Variants in SUSD4 observed in about 807,000 individuals in gnomAD.
The protein encoded by SUSD4 is sushi domain-containing protein 4.
SUSD4 carries 41 observed loss-of-function variants against 50.5 expected under a neutral mutation model. That is an observed-to-expected ratio of 0.81 (90% CI 0.63 to 1.05). The LOEUF (loss-of-function observed/expected upper bound fraction) is 1.05, where lower values mean the gene tolerates loss of function less well. Among genes scored for constraint, SUSD4 ranks in the 50% least tolerant of loss-of-function variants. The probability of loss-of-function intolerance (pLI) is 0.00; values close to 1 mark genes in which losing one functional copy is unlikely to be tolerated. For synonymous variants in SUSD4, 257 were observed against 257.3 expected, an observed-to-expected ratio of 1.00 and a Z score of 0.01; for missense variants, 580 against 634.7, an observed-to-expected ratio of 0.91 and a Z score of 0.93.
intron 3 of SUSD4, chr1:223,289,421 G>T: frequency 2.1e-6 from 1 of 484,322 alleles, no homozygotes; most frequent in Non-Finnish European, 2.7e-6. Context: ...CATGTGAAAA[G>T]GGGGAATGGC....
At chr1:223,279,213 C>G (rs1035988228) in intron 3 of SUSD4, among the ~76,000 whole-genome samples, 2 of 152,208 alleles carry the variant, frequency 1.3e-5, no homozygotes, top group African/African-American at 4.8e-5. Flanking sequence ...TGGAACAAAG[C>G]TGGATGGAGA....
intron 3 of SUSD4, among the ~76,000 whole-genome samples, chr1:223,281,238 A>T (rs1663701771): frequency 6.6e-6 from 1 of 152,224 alleles, no homozygotes; most frequent in South Asian, 2.1e-4. Flanking sequence ...AACTAAGATC[A>T]GAGGAGAACT....
intron 7 of SUSD4, among the ~76,000 whole-genome samples, chr1:223,224,102 A>AAAACC (rs1258410400): frequency 6.6e-6 from 1 of 152,170 alleles, no homozygotes; most frequent in Non-Finnish European, 1.5e-5. Context: ...CAATCCCAGC[A>AAAACC]CTTTGGGAGG....
At chr1:223,278,240 C>T (rs1037641169) in intron 3 of SUSD4, among the ~76,000 whole-genome samples, 31 of 152,186 alleles carry the variant, frequency 2.0e-4, no homozygotes, top group African/African-American at 7.0e-4. Flanking sequence ...TGCAGCCCAC[C>T]GAGTGTGAGC....
chr1:223,224,862 CTTTTTTTTT>C (rs11345619), intron 7 of SUSD4, among the ~76,000 whole-genome samples: 2 of 59,234 alleles, frequency 3.4e-5, no homozygotes, highest in Non-Finnish European at 6.0e-5. Context: ...TGGTTTCTTC[CTTTTTTTTT>C]TTTTTTTTTT....
At chr1:223,304,938 G>C (rs1424234209) in intron 2 of SUSD4, among the ~76,000 whole-genome samples, 2 of 147,866 alleles carry the variant, frequency 1.4e-5, no homozygotes, top group African/African-American at 5.1e-5. Flanking sequence ...TAAATTCCTA[G>C]AGCCATGTTA....
chr1:223,363,270 T>C lies in SUSD4; in HGVS notation c.148+8A>G. On this transcript the variant is annotated splice_region_variant and intron_variant, in intron 2 of 8. Transcript: ENST00000366878. ...CCCAGGCCCTCCCACCACAGCTGGG[T>C]CACTCACCGCCCGTGAGCTGTGCAG... 1 of 1,577,650 alleles carries C rather than the reference T, an allele frequency of 6.3e-7. No individual in the cohort carries two copies. The highest frequency in any genetic ancestry group is 8.6e-7 in the Non-Finnish European group (1 of 1,159,636).
intron 2 of SUSD4, among the ~76,000 whole-genome samples, chr1:223,326,657 A>C (rs1378001651): frequency 6.6e-6 from 1 of 152,216 alleles, no homozygotes; most frequent in Non-Finnish European, 1.5e-5. Context: ...CAAGAAAAAA[A>C]CAAACAATCC....
intron 3 of SUSD4, among the ~76,000 whole-genome samples, chr1:223,270,561 G>A (rs761186107): frequency 7.9e-5 from 12 of 152,022 alleles, no homozygotes; most frequent in Admixed American, 3.3e-4. Flanking sequence ...GTTTCAGGCC[G>A]CGAAAAGGGG....
At chr1:223,250,516 C>T (rs545792300) in intron 5 of SUSD4, among the ~76,000 whole-genome samples, 2 of 152,272 alleles carry the variant, frequency 1.3e-5, no homozygotes, top group African/African-American at 2.4e-5. Flanking sequence ...AAACTAACAG[C>T]GAGCTGGGAC....
intron 5 of SUSD4, among the ~76,000 whole-genome samples, chr1:223,254,642 C>T (rs1307496751): frequency 6.6e-6 from 1 of 152,138 alleles, no homozygotes; most frequent in African/African-American, 2.4e-5. Flanking sequence ...AATAAGGTCT[C>T]TTGGTTTTCT....
At chr1:223,293,379 C>G (rs1664620591) in intron 2 of SUSD4, among the ~76,000 whole-genome samples, 1 of 152,214 alleles carries the variant, frequency 6.6e-6, no homozygotes, top group African/African-American at 2.4e-5. Context: ...GAATTACCTG[C>G]AGAACAGCTG....
At chr1:223,336,495 A>C (rs1393837627) in intron 2 of SUSD4, among the ~76,000 whole-genome samples, 1 of 152,222 alleles carries the variant, frequency 6.6e-6, no homozygotes, top group Non-Finnish European at 1.5e-5. Flanking sequence ...TGAGGCGTGA[A>C]TAGCACTCAG....
At chr1:223,338,147 C>T (rs1330766970) in intron 2 of SUSD4, among the ~76,000 whole-genome samples, 5 of 152,204 alleles carry the variant, frequency 3.3e-5, no homozygotes, top group South Asian at 2.1e-4. Context: ...TTTATGTAAA[C>T]GTACATGTTT....
At chr1:223,310,557 C>G (rs911241007) in intron 2 of SUSD4, among the ~76,000 whole-genome samples, 23 of 152,096 alleles carry the variant, frequency 1.5e-4, no homozygotes, top group African/African-American at 5.3e-4. Context: ...CAGCATGATT[C>G]TTTTTTGAGG....
chr1:223,239,098 A>G (rs1660406025), intron 5 of SUSD4, among the ~76,000 whole-genome samples: 1 of 152,060 alleles, frequency 6.6e-6, no homozygotes, highest in Non-Finnish European at 1.5e-5. Context: ...TTTATCATTG[A>G]TAACTTTCCT....
chr1:223,331,354 G>A (rs1490292126), intron 2 of SUSD4, among the ~76,000 whole-genome samples: 3 of 152,152 alleles, frequency 2.0e-5, no homozygotes, highest in Non-Finnish European at 4.4e-5. Flanking sequence ...GGGCCACTGA[G>A]GTTGCAACTG....
At chr1:223,352,194 C>T (rs573384341) in intron 2 of SUSD4, among the ~76,000 whole-genome samples, 1 of 152,178 alleles carries the variant, frequency 6.6e-6, no homozygotes, top group Non-Finnish European at 1.5e-5. Flanking sequence ...GATGCAAAGG[C>T]AACTGCTACA....
chr1:223,224,211 C>T (rs1231303106), intron 7 of SUSD4, among the ~76,000 whole-genome samples: 1 of 152,152 alleles, frequency 6.6e-6, no homozygotes, highest in Middle Eastern at 3.2e-3. Flanking sequence ...GTGGCACGTG[C>T]CTGTAGCCCT....
Sources: allele counts gnomAD v4.1 joint callset (sites outside exome capture counted in the v4.1 genomes callset), GRCh38; gene constraint gnomAD v4.1.1; transcripts MANE v1.5; gene names NCBI Gene and HGNC (gene_info 2026-07-23, HGNC 2026-07-21).